WWOX: variants seen among roughly 807,000 people sequenced by gnomAD.
The protein encoded by WWOX is WW domain-containing oxidoreductase.
In WWOX, 69 loss-of-function variants were observed where a neutral mutation model predicts 46.2. That is an observed-to-expected ratio of 1.49 (90% CI 1.23 to 1.82). The LOEUF (loss-of-function observed/expected upper bound fraction) is 1.82. Among genes scored for constraint, WWOX ranks in the 40% most tolerant of loss-of-function variants. WWOX has a pLI of 0.00. For missense variants in WWOX, 919 were observed against 542.6 expected (o/e 1.69, Z -6.89); for synonymous variants, 359 against 202.6 (o/e 1.77, Z -6.56).
At chr16:78,469,245 A>T (rs1216353951) in intron 8 of WWOX, among the ~76,000 whole-genome samples, 1 of 152,226 alleles carries the variant, frequency 6.6e-6, no homozygotes, top group African/African-American at 2.4e-5. Flanking sequence ...ACCCATCAAG[A>T]TATCCACCTG....
intron 8 of WWOX, among the ~76,000 whole-genome samples, chr16:79,125,399 C>T (rs1240177477): frequency 2.0e-5 from 3 of 152,156 alleles, no homozygotes; most frequent in Non-Finnish European, 4.4e-5. Context: ...TTGGGATGTG[C>T]AAAATAAGCC....
At chr16:79,030,176 C>A (rs996904348) in intron 8 of WWOX, among the ~76,000 whole-genome samples, 2 of 152,078 alleles carry the variant, frequency 1.3e-5, no homozygotes, top group African/African-American at 4.8e-5. Context: ...GTTATCATAG[C>A]CATTGGTTAA....
chr16:78,805,346 C>T (rs369371854), intron 8 of WWOX, among the ~76,000 whole-genome samples: 3 of 152,102 alleles, frequency 2.0e-5, no homozygotes, highest in African/African-American at 2.4e-5. Flanking sequence ...CTGCAAGCTC[C>T]GCCTCCCGGG....
intron 8 of WWOX, among the ~76,000 whole-genome samples, chr16:78,651,814 A>G (rs933061133): frequency 6.6e-6 from 1 of 152,156 alleles, no homozygotes; most frequent in Non-Finnish European, 1.5e-5. Flanking sequence ...GCTTCTAACA[A>G]ACTGATTGGT....
chr16:78,431,723 T>A (rs1407036223), intron 7 of WWOX, among the ~76,000 whole-genome samples: 1 of 151,430 alleles, frequency 6.6e-6, no homozygotes, highest in Non-Finnish European at 1.5e-5. Context: ...AATTTTAAAT[T>A]CTTACTTTTA....
At chr16:78,933,756 T>C (rs1023786670) in intron 8 of WWOX, among the ~76,000 whole-genome samples, 2 of 151,904 alleles carry the variant, frequency 1.3e-5, no homozygotes, top group South Asian at 2.1e-4. Context: ...TTATTCACTA[T>C]CACGAGAACA....
intron 8 of WWOX, among the ~76,000 whole-genome samples, chr16:79,012,163 C>A (rs78933131): frequency 2.6e-5 from 4 of 152,170 alleles, no homozygotes; most frequent in Non-Finnish European, 5.9e-5. Flanking sequence ...TCTTCTATCT[C>A]TGCCCTGTCC....
intron 8 of WWOX, among the ~76,000 whole-genome samples, chr16:78,962,818 A>C (rs1329398260): frequency 6.6e-6 from 1 of 152,212 alleles, no homozygotes; most frequent in Non-Finnish European, 1.5e-5. Flanking sequence ...TACCATCAGC[A>C]TTAAGAGGTA....
rs373547888 is a variant in WWOX at position 78,215,998 on chromosome 16, G to A, written c.516+51709G>A. On this transcript the variant is annotated intron_variant, in intron 5 of 8. Transcript: ENST00000566780. ...CTGTTCTTATTCCCATTTCACAGAT[G>A]AGCCACTAACTGGCTCCTGGCAGGA... Among the ~76,000 whole-genome samples the A allele has an allele frequency of 4.6e-5, 7 of 151,984 alleles. No homozygotes were observed. The South Asian group carries it at 6.3e-4, about 14-fold the overall frequency.
chr16:79,164,587 G>A (rs1450351565), intron 8 of WWOX, among the ~76,000 whole-genome samples: 1 of 152,128 alleles, frequency 6.6e-6, no homozygotes, highest in African/African-American at 2.4e-5. Context: ...AGCTCATGGT[G>A]GAGACCTCCG....
In WWOX at chr16:79,024,396, C is replaced by A. The variant is rs143201829; in HGVS notation, c.1057-187212C>A. 3.0e-3 allele frequency among the ~76,000 whole-genome samples: 457 copies of A among 152,218 alleles called. 4 individuals are homozygous for A. The highest frequency in any genetic ancestry group is 2.0e-3 in the Non-Finnish European group (134 of 68,010). On this transcript the variant is annotated intron_variant, in intron 8 of 8. Transcript: ENST00000566780. ...ACCTTAGCCTCCTCAGTAGCTGAGA[C>A]TACAGGTGCGTGCTACCGTGCCCAG...
At chr16:78,489,432 C>T (rs1002406960) in intron 8 of WWOX, among the ~76,000 whole-genome samples, 1 of 152,104 alleles carries the variant, frequency 6.6e-6, no homozygotes, top group Non-Finnish European at 1.5e-5. Context: ...TCAGTGTCTA[C>T]AAAATGTCTT....
At chr16:78,639,883 G>C (rs151185956) in intron 8 of WWOX, among the ~76,000 whole-genome samples, 1 of 152,016 alleles carries the variant, frequency 6.6e-6, no homozygotes, top group Non-Finnish European at 1.5e-5. Flanking sequence ...GCTTCTGTGT[G>C]AGGATGAAGA....
intron 8 of WWOX, among the ~76,000 whole-genome samples, chr16:78,980,364 T>G (rs1372791390): frequency 6.6e-6 from 1 of 152,198 alleles, no homozygotes; most frequent in African/African-American, 2.4e-5. Flanking sequence ...ACTGCTAATT[T>G]TATTCCAACA....
intron 8 of WWOX, chr16:79,017,448 A>AAAAAAAAAAAAAAAG (rs2047439475): frequency 6.9e-6 from 1 of 144,972 alleles, no homozygotes. Context: ...AAAAAAAAAA[A>AAAAAAAAAAAAAAAG]AAAAAAAAAA....
At chr16:78,718,993 C>G (rs535955271) in intron 8 of WWOX, among the ~76,000 whole-genome samples, 15 of 151,942 alleles carry the variant, frequency 9.9e-5, no homozygotes, top group Non-Finnish European at 1.5e-4. Context: ...CTGTAAGATC[C>G]CAGGCACTCT....
rs369061899 is a variant in WWOX at position 78,767,058 on chromosome 16, TTCCC to T, written c.1056+334326_1056+334329del. On this transcript the variant is annotated intron_variant, in intron 8 of 8. Transcript: ENST00000566780. ...AAAATTTCTTTCTTTCTTCCTCTCC[TTCCC>T]TCCCTCCCTCCCTCCCTCCTTCTCT... Among the ~76,000 whole-genome samples the T allele has an allele frequency of 4.4e-3, 668 of 150,732 alleles. 4 individuals carry two copies. Among genetic ancestry groups the T allele is most frequent in the Middle Eastern group, 0.017 (5 of 292 alleles).
At position 79,063,520 on chromosome 16, in the gene WWOX, T is replaced by C. The variant is rs952588291; in HGVS notation, c.1057-148088T>C. On this transcript the variant is annotated intron_variant, in intron 8 of 8. Coordinates refer to ENST00000566780, the MANE Select transcript of WWOX (RefSeq NM_016373.4). ...AATAAAACAAAACCAAACAAAAGCC[T>C]GCAGTGTTTGGGCCCCTTTCAGGGA... Among the ~76,000 whole-genome samples, 3 of 152,312 alleles carry C rather than the reference T, an allele frequency of 2.0e-5. No homozygotes were observed. In the East Asian group the frequency reaches 5.8e-4, roughly 29 times the overall value.
chr16:78,753,825 AATATATAT>A (rs1159243014), intron 8 of WWOX, among the ~76,000 whole-genome samples: 26 of 21,358 alleles, frequency 1.2e-3, no homozygotes, highest in South Asian at 3.4e-3. Context: ...AAAAAAAAAA[AATATATAT>A]ATATATATAT....
Sources: allele counts gnomAD v4.1 joint callset (sites outside exome capture counted in the v4.1 genomes callset), GRCh38; gene constraint gnomAD v4.1.1; transcripts MANE v1.5; gene names NCBI Gene and HGNC (gene_info 2026-07-23, HGNC 2026-07-21).